PALM2AKAP2: variants seen among roughly 807,000 people sequenced by gnomAD.
PALM2AKAP2 encodes the protein PALM2-AKAP2 fusion protein.
Under a neutral mutation model 71.5 loss-of-function variants are expected in PALM2AKAP2, and 37 were observed. That is an observed-to-expected ratio of 0.52 (90% confidence interval 0.40 to 0.68). The LOEUF is 0.68. PALM2AKAP2 is among the 30% of genes least tolerant of loss of function. The probability of loss-of-function intolerance (pLI) is 0.00; values close to 1 mark genes in which losing one functional copy is unlikely to be tolerated. For missense variants in PALM2AKAP2, 1,224 were observed against 1,191.8 expected (o/e 1.03, Z -0.40); for synonymous variants, 468 against 478.8 (o/e 0.98, Z 0.29).
chr9:110,116,810 A>G (rs1835373294), intron 1 of PALM2AKAP2, among the ~76,000 whole-genome samples: 1 of 152,216 alleles, frequency 6.6e-6, no homozygotes, highest in Non-Finnish European at 1.5e-5. Context: ...GTACTCCTAA[A>G]CAGATAATAA....
At chr9:109,791,313 G>A (rs973942157) in intron 1 of PALM2AKAP2, among the ~76,000 whole-genome samples, 1 of 152,228 alleles carries the variant, frequency 6.6e-6, no homozygotes, top group African/African-American at 2.4e-5. Context: ...AATGTAAACT[G>A]CTTAATCACC....
intron 1 of PALM2AKAP2, among the ~76,000 whole-genome samples, chr9:110,080,672 G>T (rs996568912): frequency 6.6e-6 from 1 of 151,960 alleles, no homozygotes; most frequent in Non-Finnish European, 1.5e-5. Flanking sequence ...GTTTTTTTAG[G>T]TTTTTTGTTT....
At chr9:109,681,925 G>A (rs749247486) in intron 1 of PALM2AKAP2, among the ~76,000 whole-genome samples, 3 of 152,070 alleles carry the variant, frequency 2.0e-5, no homozygotes, top group Non-Finnish European at 4.4e-5. Flanking sequence ...CAGGTGACTG[G>A]GTTTCTCACA....
intron 1 of PALM2AKAP2, among the ~76,000 whole-genome samples, chr9:109,721,749 A>C (rs1828408450): frequency 6.6e-6 from 1 of 152,190 alleles, no homozygotes; most frequent in South Asian, 2.1e-4. Flanking sequence ...GAAAGCCTAC[A>C]TGGCAGTGGA....
At chr9:109,920,968 T>C (rs1269266113) in intron 3 of PALM2AKAP2, among the ~76,000 whole-genome samples, 1 of 152,190 alleles carries the variant, frequency 6.6e-6, no homozygotes, top group East Asian at 1.9e-4. Context: ...CTCATGTCTC[T>C]TTACTTACTC....
At chr9:109,896,970 G>T (rs1396461243) in intron 3 of PALM2AKAP2, among the ~76,000 whole-genome samples, 1 of 151,342 alleles carries the variant, frequency 6.6e-6, no homozygotes, top group African/African-American at 2.4e-5. Context: ...TTAGTTTCAA[G>T]TTTTTTTTTG....
chr9:109,952,271 G>T (rs1378649723), intron 6 of PALM2AKAP2, among the ~76,000 whole-genome samples: 9 of 152,120 alleles, frequency 5.9e-5, no homozygotes, highest in Admixed American at 5.9e-4. Context: ...CCTCAAACAG[G>T]GCCTGGTCCA....
At chr9:109,702,661 T>A (rs1828080126) in intron 1 of PALM2AKAP2, among the ~76,000 whole-genome samples, 2 of 151,298 alleles carry the variant, frequency 1.3e-5, no homozygotes, top group Non-Finnish European at 2.9e-5. Context: ...AGTTAATGGG[T>A]GCAGCACACC....
At chr9:110,118,627 T>C (rs1177791013) in intron 1 of PALM2AKAP2, among the ~76,000 whole-genome samples, 1 of 152,192 alleles carries the variant, frequency 6.6e-6, no homozygotes. Context: ...CTTTTAGTGC[T>C]TTCCCACCTG....
At chr9:109,999,449 T>C (rs1011848343) in intron 6 of PALM2AKAP2, among the ~76,000 whole-genome samples, 4 of 152,076 alleles carry the variant, frequency 2.6e-5, no homozygotes, top group East Asian at 3.8e-4. Context: ...AGTCCACCCA[T>C]GTGGTTCCTG....
chr9:109,699,358 T>C (rs1447659567), intron 1 of PALM2AKAP2, among the ~76,000 whole-genome samples: 1 of 152,238 alleles, frequency 6.6e-6, no homozygotes, highest in Non-Finnish European at 1.5e-5. Context: ...AACTAGTTCT[T>C]GCCATTGGAG....
intron 1 of PALM2AKAP2, among the ~76,000 whole-genome samples, chr9:109,646,786 T>G (rs1380498657): frequency 6.6e-6 from 1 of 152,212 alleles, no homozygotes. Flanking sequence ...TTAGTCTATG[T>G]GTGACTATGG....
At chr9:110,061,351 T>C (rs1046092467) in intron 1 of PALM2AKAP2, among the ~76,000 whole-genome samples, 6 of 152,190 alleles carry the variant, frequency 3.9e-5, no homozygotes, top group African/African-American at 1.4e-4. Flanking sequence ...ACCTTTAACA[T>C]GGGCCCATTT....
At chr9:109,724,899 A>G (rs532509560) in intron 1 of PALM2AKAP2, among the ~76,000 whole-genome samples, 5 of 152,298 alleles carry the variant, frequency 3.3e-5, no homozygotes, top group Admixed American at 3.3e-4. Context: ...TAAGGCATTG[A>G]TCCTGAAAAA....
chr9:109,702,175 C>T (rs1828071097), intron 1 of PALM2AKAP2, among the ~76,000 whole-genome samples: 1 of 151,974 alleles, frequency 6.6e-6, no homozygotes, highest in Admixed American at 6.5e-5. Context: ...TTGTGAAAGT[C>T]AGTGTGGCGA....
At chr9:109,888,014 A>G (rs1416413333) in intron 3 of PALM2AKAP2, among the ~76,000 whole-genome samples, 2 of 152,202 alleles carry the variant, frequency 1.3e-5, no homozygotes, top group Non-Finnish European at 1.5e-5. Flanking sequence ...GTGGGTGGTC[A>G]TCATGATGGT....
chr9:110,031,838 GT>G (rs1833282836), intron 7 of PALM2AKAP2, among the ~76,000 whole-genome samples: 1 of 152,114 alleles, frequency 6.6e-6, no homozygotes, highest in Non-Finnish European at 1.5e-5. Flanking sequence ...CTTTTATGTA[GT>G]TCTGTTTGCG....
chr9:109,993,201 A>G (rs1487710635), intron 6 of PALM2AKAP2, among the ~76,000 whole-genome samples: 1 of 150,370 alleles, frequency 6.7e-6, no homozygotes, highest in South Asian at 2.1e-4. Flanking sequence ...AAAAAAAAAG[A>G]TAATATCTTC....
chr9:109,837,793 T>C (rs1438833641), intron 1 of PALM2AKAP2, among the ~76,000 whole-genome samples: 4 of 152,130 alleles, frequency 2.6e-5, no homozygotes, highest in African/African-American at 9.7e-5. Flanking sequence ...GGCCATTACA[T>C]AATGGTAAAG....
Sources: gnomAD v4.1 joint callset for allele counts (sites outside exome capture counted in the v4.1 genomes callset) on GRCh38, gnomAD v4.1.1 for gene constraint, MANE v1.5 for transcripts, NCBI Gene and HGNC (gene_info 2026-07-23, HGNC 2026-07-21) for gene names.